Variants in PDE4B observed in about 807,000 individuals in gnomAD.
PDE4B encodes phosphodiesterase 4B.
A neutral mutation model predicts 82.2 loss-of-function variants in PDE4B; 20 were observed. That is an observed-to-expected ratio of 0.24 (90% confidence interval 0.17 to 0.35). The LOEUF (loss-of-function observed/expected upper bound fraction) is 0.35. Ranked by LOEUF, PDE4B falls within the 10% of genes least tolerant of loss-of-function variation. The pLI, the probability that PDE4B is intolerant of heterozygous loss-of-function variation, is 1.00. For synonymous variants in PDE4B, 320 were observed against 318.9 expected, an observed-to-expected ratio of 1.00 and a Z score of -0.04; for missense variants, 655 against 907.2, an observed-to-expected ratio of 0.72 and a Z score of 3.57.
At chr1:65,819,876 G>A (rs143915622) in intron 1 of PDE4B, among the ~76,000 whole-genome samples, 28 of 152,160 alleles carry the variant, frequency 1.8e-4, no homozygotes, top group African/African-American at 6.5e-4. Context: ...AGGAATGACC[G>A]CAGAGGTAGA....
intron 3 of PDE4B, among the ~76,000 whole-genome samples, chr1:66,159,640 T>C (rs188642324): frequency 1.2e-4 from 18 of 152,310 alleles, no homozygotes; most frequent in African/African-American, 3.8e-4. Flanking sequence ...ATTTTCGACA[T>C]GGGCTTGAGT....
chr1:66,184,009 A>G (rs948073077), intron 3 of PDE4B, among the ~76,000 whole-genome samples: 4 of 152,164 alleles, frequency 2.6e-5, no homozygotes, highest in Non-Finnish European at 5.9e-5. Flanking sequence ...ACCTGCGTGA[A>G]CAGAGTCAAA....
intron 3 of PDE4B, among the ~76,000 whole-genome samples, chr1:66,186,077 A>G (rs1647201471): frequency 6.6e-6 from 1 of 152,150 alleles, no homozygotes; most frequent in Non-Finnish European, 1.5e-5. Flanking sequence ...TCCCAGCACC[A>G]TTTATTAAAT....
intron 1 of PDE4B, among the ~76,000 whole-genome samples, chr1:65,796,541 T>C (rs1443596768): frequency 1.3e-5 from 2 of 152,174 alleles, no homozygotes; most frequent in East Asian, 3.8e-4. Flanking sequence ...ACTATATTTT[T>C]CAACTCAATA....
At chr1:66,110,309 C>A (rs1645456657) in intron 3 of PDE4B, among the ~76,000 whole-genome samples, 3 of 151,946 alleles carry the variant, frequency 2.0e-5, no homozygotes, top group African/African-American at 7.2e-5. Flanking sequence ...TTTGGAGGGA[C>A]TGAGAGCTCT....
intron 3 of PDE4B, among the ~76,000 whole-genome samples, chr1:66,180,016 A>G (rs1464915253): frequency 6.6e-6 from 1 of 152,226 alleles, no homozygotes; most frequent in Non-Finnish European, 1.5e-5. Context: ...TGAAATAATA[A>G]CTTCTAATGC....
chr1:65,911,465 C>A (rs549939061), intron 1 of PDE4B, among the ~76,000 whole-genome samples: 2 of 152,076 alleles, frequency 1.3e-5, no homozygotes, highest in East Asian at 3.9e-4. Context: ...AGTTTTATAT[C>A]CTGCGTTTAA....
At chr1:66,369,172 G>A (rs1663482338) in intron 16 of PDE4B, among the ~76,000 whole-genome samples, 1 of 152,180 alleles carries the variant, frequency 6.6e-6, no homozygotes, top group Admixed American at 6.5e-5. Flanking sequence ...GTAGTCATCA[G>A]AAACCCATCA....
intron 3 of PDE4B, among the ~76,000 whole-genome samples, chr1:66,037,270 C>T (rs1245591950): frequency 6.6e-6 from 1 of 151,962 alleles, no homozygotes; most frequent in East Asian, 1.9e-4. Flanking sequence ...AGTCTATAAA[C>T]ATGGGATATC....
intron 1 of PDE4B, among the ~76,000 whole-genome samples, chr1:65,902,379 T>G (rs1197802660): frequency 6.6e-6 from 1 of 152,154 alleles, no homozygotes; most frequent in African/African-American, 2.4e-5. Context: ...ATTGAGCTCT[T>G]ATTGGTAGCT....
chr1:66,332,470 G>C (rs780514295), intron 7 of PDE4B, 38 bp from the exon 8 acceptor site: 1 of 1,614,148 alleles, frequency 6.2e-7, no homozygotes, highest in Admixed American at 1.7e-5. Flanking sequence ...GCCTGCAGCC[G>C]CTCCAGCCTA....
chr1:65,948,233 C>T (rs1648810647), intron 3 of PDE4B, among the ~76,000 whole-genome samples: 1 of 151,572 alleles, frequency 6.6e-6, no homozygotes, highest in Non-Finnish European at 1.5e-5. Flanking sequence ...GGTTTGGACT[C>T]CGGTTGCTAG....
chr1:66,290,617 T>G (rs1355127638), intron 7 of PDE4B, among the ~76,000 whole-genome samples: 3 of 152,220 alleles, frequency 2.0e-5, no homozygotes, highest in African/African-American at 7.2e-5. Flanking sequence ...AAATGGATTT[T>G]CCACAGCATT....
intron 3 of PDE4B, among the ~76,000 whole-genome samples, chr1:66,221,250 T>C (rs1650961888): frequency 6.6e-6 from 1 of 152,154 alleles, no homozygotes; most frequent in African/African-American, 2.4e-5. Context: ...CTCTTTGCCC[T>C]TTAGTTGGGA....
chr1:66,232,929 A>G (rs1304572376), intron 3 of PDE4B, among the ~76,000 whole-genome samples: 2 of 152,330 alleles, frequency 1.3e-5, no homozygotes, highest in Middle Eastern at 3.4e-3. Context: ...CCGGAAAATG[A>G]GGCAATGGAT....
intron 1 of PDE4B, among the ~76,000 whole-genome samples, chr1:65,830,857 T>TATG (rs1026545741): frequency 9.2e-5 from 14 of 152,118 alleles, no homozygotes; most frequent in African/African-American, 3.4e-4. Context: ...AAAAATGTAT[T>TATG]ATGTTTATAG....
chr1:65,888,918 C>G (rs1173631181), intron 1 of PDE4B, among the ~76,000 whole-genome samples: 1 of 152,028 alleles, frequency 6.6e-6, no homozygotes, highest in Admixed American at 6.6e-5. Context: ...TTGACATTCT[C>G]ATTTTCAATT....
At chr1:66,180,570 G>T (rs764017235) in intron 3 of PDE4B, among the ~76,000 whole-genome samples, 35 of 152,144 alleles carry the variant, frequency 2.3e-4, no homozygotes, top group Admixed American at 9.8e-4. Context: ...ATGAATTAGG[G>T]CAGCCATTGC....
intron 3 of PDE4B, among the ~76,000 whole-genome samples, chr1:66,192,784 A>T (rs1435704147): frequency 1.3e-5 from 2 of 152,122 alleles, no homozygotes; most frequent in African/African-American, 4.8e-5. Flanking sequence ...CTTGAGACAT[A>T]TGGCAATTAA....
Sources: gnomAD v4.1 joint callset for allele counts (sites outside exome capture counted in the v4.1 genomes callset) on GRCh38, gnomAD v4.1.1 for gene constraint, MANE v1.5 for transcripts, NCBI Gene and HGNC (gene_info 2026-07-23, HGNC 2026-07-21) for gene names.